The following PKNOX2 variants were observed in gnomAD, a reference collection of about 807,000 sequenced individuals.
The protein encoded by PKNOX2 is homeobox protein PKNOX2.
PKNOX2 carries 14 observed loss-of-function variants against 53.1 expected under a neutral mutation model. The ratio of observed to expected loss-of-function variants is 0.26; its 90% confidence interval spans 0.17 to 0.41. The LOEUF (loss-of-function observed/expected upper bound fraction) is 0.41. PKNOX2 is among the 10% of genes least tolerant of loss of function. The pLI, the probability that PKNOX2 is intolerant of heterozygous loss-of-function variation, is 1.00. For missense variants in PKNOX2, 496 were observed against 602.8 expected (o/e 0.82, Z 1.85); for synonymous variants, 257 against 242.8 (o/e 1.06, Z -0.54).
chr11:125,274,008 A>G lies in PKNOX2; in HGVS notation c.-130+38893A>G, dbSNP rs1014015603. On this transcript the variant is annotated intron_variant, in intron 2 of 12. Transcript: ENST00000298282. ...GGGCCAAAGACGTAGCTTCCTGCCA[A>G]CAGTGGTGAAGGTAGTATCACACTG... is the stretch of plus-strand genomic sequence containing the variant. Among the ~76,000 whole-genome samples, 4 of 152,294 alleles carry G rather than the reference A, an allele frequency of 2.6e-5. No individual in the cohort carries two copies. In the East Asian group the frequency reaches 5.8e-4, roughly 22 times the overall value.
At chr11:125,327,232 C>T (rs1447369876) in intron 2 of PKNOX2, among the ~76,000 whole-genome samples, 1 of 152,210 alleles carries the variant, frequency 6.6e-6, no homozygotes, top group East Asian at 1.9e-4. Context: ...GTTGGCAAAA[C>T]AGGCAAAGGT....
chr11:125,385,940 C>T (rs1309812741), intron 6 of PKNOX2, among the ~76,000 whole-genome samples: 1 of 152,162 alleles, frequency 6.6e-6, no homozygotes, highest in Non-Finnish European at 1.5e-5. Context: ...AAAGTTCTGC[C>T]CATCTATGCC....
At chr11:125,254,068 C>T (rs1018106959) in intron 2 of PKNOX2, among the ~76,000 whole-genome samples, 8 of 152,068 alleles carry the variant, frequency 5.3e-5, no homozygotes, top group Admixed American at 1.3e-4. Flanking sequence ...CTGAAGAGCG[C>T]GCACACCAGG....
intron 1 of PKNOX2, among the ~76,000 whole-genome samples, chr11:125,178,622 GAAAGAAAGAAAGAAAGAAAGAAA>G (rs1955897392): frequency 1.0e-4 from 7 of 69,362 alleles, no homozygotes; most frequent in African/African-American, 6.6e-4. Context: ...AAGAAAGAAA[GAAAGAAAGAAAGAAAGAAAGAAA>G]GAAGGAAGGA....
chr11:125,276,228 A>G (rs1946146651), intron 2 of PKNOX2, among the ~76,000 whole-genome samples: 1 of 152,054 alleles, frequency 6.6e-6, no homozygotes, highest in Non-Finnish European at 1.5e-5. Flanking sequence ...ATAAAGCCTG[A>G]TTGGGGCAGG....
chr11:125,208,252 T>C (rs1304124350), intron 1 of PKNOX2, among the ~76,000 whole-genome samples: 2 of 151,996 alleles, frequency 1.3e-5, no homozygotes, highest in African/African-American at 2.4e-5. Flanking sequence ...TGGAGCATAG[T>C]CATGGGACCT....
At chr11:125,378,689 C>G (rs957399203) in intron 5 of PKNOX2, among the ~76,000 whole-genome samples, 1 of 152,188 alleles carries the variant, frequency 6.6e-6, no homozygotes, top group Non-Finnish European at 1.5e-5. Context: ...GCCAAGGTCA[C>G]AAGGGAAGGG....
intron 2 of PKNOX2, among the ~76,000 whole-genome samples, chr11:125,270,424 G>A (rs1240663193): frequency 1.3e-5 from 2 of 152,126 alleles, no homozygotes; most frequent in Middle Eastern, 3.2e-3. Flanking sequence ...ACCTGGGGCT[G>A]AAGCCTTGGA....
chr11:125,431,456 G>T lies in PKNOX2; in HGVS notation c.*64G>T. The T allele has an allele frequency of 1.9e-6, 1 of 534,444 alleles. No homozygotes were observed. Among genetic ancestry groups the T allele is most frequent in the Non-Finnish European group, 3.1e-6 (1 of 323,608 alleles). The allele number at this position is 534,444 out of a possible 1,614,324, so 33.1% of individuals were successfully genotyped here. ...GGAGTGTCGCCGGGAGGCCTTCAGG[G>T]TGGGGGGGAAGGGGACATGGGCAGG... is the stretch of plus-strand genomic sequence containing the variant. On this transcript the variant is annotated 3_prime_UTR_variant, in exon 13 of 13. Transcript: ENST00000298282.
intron 5 of PKNOX2, among the ~76,000 whole-genome samples, chr11:125,379,053 CTCTT>C (rs1953043291): frequency 8.7e-6 from 1 of 114,436 alleles, no homozygotes; most frequent in South Asian, 3.4e-4. Flanking sequence ...TTTTTTCTTT[CTCTT>C]TTTTTTTTTT....
intron 5 of PKNOX2, among the ~76,000 whole-genome samples, chr11:125,374,780 A>G (rs1041101725): frequency 2.6e-5 from 4 of 152,234 alleles, no homozygotes; most frequent in African/African-American, 4.8e-5. Context: ...TTAGGATTCA[A>G]TGAGATAACC....
intron 1 of PKNOX2, among the ~76,000 whole-genome samples, chr11:125,189,437 GTGTGTGTGTGTATATATATATATATA>G (rs1439335033): frequency 0.015 from 847 of 57,240 alleles, 28 homozygotes; most frequent in African/African-American, 0.057. Flanking sequence ...GTGTGTGTGT[GTGTGTGTGTGTATATATATATATATA>G]TATATATATA....
chr11:125,368,105 C>G, intron 5 of PKNOX2, 120 bp downstream of exon 5: 2 of 1,206,076 alleles, frequency 1.7e-6, no homozygotes, highest in Non-Finnish European at 2.2e-6. Context: ...AATAGCTATT[C>G]TCCCTTGGCC....
intron 3 of PKNOX2, among the ~76,000 whole-genome samples, chr11:125,335,758 C>T (rs1950404064): frequency 6.6e-6 from 1 of 152,074 alleles, no homozygotes; most frequent in Non-Finnish European, 1.5e-5. Context: ...GTTGAGGCTG[C>T]AGTGAGCTAT....
At chr11:125,404,042 C>G (rs1161392944) in intron 7 of PKNOX2, among the ~76,000 whole-genome samples, 2 of 152,010 alleles carry the variant, frequency 1.3e-5, no homozygotes, top group Admixed American at 1.3e-4. Context: ...TCACCTCAGC[C>G]AGGACCCTAG....
At chr11:125,188,420 CA>C (rs1956586151) in intron 1 of PKNOX2, among the ~76,000 whole-genome samples, 1 of 152,192 alleles carries the variant, frequency 6.6e-6, no homozygotes, top group African/African-American at 2.4e-5. Context: ...CTGTGACTGA[CA>C]AGAGCTTGCT....
Position 125,165,741 on chromosome 11 carries a change from G to A in PKNOX2, c.-201+965G>A, listed in dbSNP as rs796920121. On this transcript the variant is annotated intron_variant, in intron 1 of 12. Transcript: ENST00000298282. This position sits in a 1 kb window ranked among gnomAD's most constrained non-coding sequence, Gnocchi z 4.5. ...GTGAGGCGGGCGTAGGGGCCCGCGC[G>A]AGGCTTGGGAATCGGGAGCCCTTCT... Among the ~76,000 whole-genome samples, 20 of 152,304 alleles carry A rather than the reference G, an allele frequency of 1.3e-4. No homozygotes were observed. Among genetic ancestry groups the A allele is most frequent in the African/African-American group, 4.8e-4 (20 of 41,584 alleles).
intron 2 of PKNOX2, among the ~76,000 whole-genome samples, chr11:125,253,609 G>A (rs961302577): frequency 9.9e-5 from 15 of 152,190 alleles, no homozygotes; most frequent in African/African-American, 3.4e-4. Context: ...CCGCTGATTT[G>A]TCGTGATTCC....
At chr11:125,178,688 G>GAAAGAAAGAAAGAAAGAAAGAAAGAA (rs1565462550) in intron 1 of PKNOX2, among the ~76,000 whole-genome samples, 1 of 114,190 alleles carries the variant, frequency 8.8e-6, no homozygotes, top group African/African-American at 4.8e-5. Flanking sequence ...GAGAGAGAGA[G>GAAAGAAAGAAAGAAAGAAAGAAAGAA]AGAGAGAGAG....
Sources: allele counts gnomAD v4.1 joint callset (sites outside exome capture counted in the v4.1 genomes callset), GRCh38; gene constraint gnomAD v4.1.1; non-coding constraint Gnocchi (gnomAD v3.1); transcripts MANE v1.5; gene names NCBI Gene and HGNC (gene_info 2026-07-23, HGNC 2026-07-21).